The following LRP1B variants were observed in gnomAD, a reference collection of about 807,000 sequenced individuals.
The protein encoded by LRP1B is low-density lipoprotein receptor-related protein 1B.
In LRP1B, 217 loss-of-function variants were observed where a neutral mutation model predicts 556.6. The ratio of observed to expected loss-of-function variants is 0.39; its 90% CI spans 0.35 to 0.44. The LOEUF (loss-of-function observed/expected upper bound fraction) is 0.44. Ranked by LOEUF, LRP1B falls within the 20% of genes least tolerant of loss-of-function variation. The probability of loss-of-function intolerance (pLI) is 1.00; values close to 1 mark genes in which losing one functional copy is unlikely to be tolerated. For missense variants in LRP1B, 5,053 were observed against 5,620.8 expected (o/e 0.90, Z 3.23); for synonymous variants, 2,047 against 1,865.8 (o/e 1.10, Z -2.50).
At chr2:141,207,214 G>C (rs531284064) in intron 6 of LRP1B, among the ~76,000 whole-genome samples, 1 of 152,214 alleles carries the variant, frequency 6.6e-6, no homozygotes, top group Non-Finnish European at 1.5e-5. Flanking sequence ...TAAGTGGTGA[G>C]GTTTCTGTTC....
At chr2:140,366,259 T>C (rs903114764) in intron 71 of LRP1B, among the ~76,000 whole-genome samples, 2 of 151,700 alleles carry the variant, frequency 1.3e-5, no homozygotes, top group African/African-American at 4.8e-5. Flanking sequence ...CCTCAGGACC[T>C]GATGGCTAAA....
intron 1 of LRP1B, among the ~76,000 whole-genome samples, chr2:141,885,406 T>C (rs1362114610): frequency 6.6e-6 from 1 of 152,156 alleles, no homozygotes; most frequent in Non-Finnish European, 1.5e-5. Flanking sequence ...ATACAAAGAA[T>C]GTAAAGACAG....
rs139368880 is a variant in LRP1B at position 142,064,775 on chromosome 2, A to G, written c.82+65873T>C. On this transcript the variant is annotated intron_variant, in intron 1 of 90. Coordinates refer to ENST00000389484, the MANE Select transcript of LRP1B (RefSeq NM_018557.3). The stretch of plus-strand genomic sequence containing the variant: ...TGTATCTATCATTTTTTGTTTTCAG[A>G]TCAAGAATTGACTTCAGATGATAAA... Among the ~76,000 whole-genome samples the G allele has an allele frequency of 1.3e-4, 20 of 151,696 alleles. No homozygotes were observed. The East Asian group carries it at 3.9e-3, about 30-fold the overall frequency.
chr2:142,054,300 A>C (rs185033665), intron 1 of LRP1B, among the ~76,000 whole-genome samples: 114 of 152,258 alleles, frequency 7.5e-4, no homozygotes, highest in African/African-American at 2.7e-3. Context: ...GAGTGGATAG[A>C]GTACAAGATT....
chr2:141,029,379 G>T (rs922098556), intron 11 of LRP1B, among the ~76,000 whole-genome samples: 3 of 152,068 alleles, frequency 2.0e-5, no homozygotes, highest in African/African-American at 7.2e-5. Context: ...TGTGGGCCTT[G>T]AGTGTCCCTG....
intron 2 of LRP1B, among the ~76,000 whole-genome samples, chr2:141,800,030 T>C (rs1695957582): frequency 6.6e-6 from 1 of 152,178 alleles, no homozygotes; most frequent in Admixed American, 6.5e-5. Flanking sequence ...TTCTCTCCAA[T>C]TATTACTACA....
At chr2:141,410,362 C>A (rs778165086) in intron 3 of LRP1B, among the ~76,000 whole-genome samples, 1 of 151,896 alleles carries the variant, frequency 6.6e-6, no homozygotes. Flanking sequence ...AGAAAATATG[C>A]TGATTAAACT....
chr2:140,735,687 T>G (rs1282838422), intron 35 of LRP1B, among the ~76,000 whole-genome samples: 3 of 152,198 alleles, frequency 2.0e-5, no homozygotes, highest in Admixed American at 6.5e-5. Context: ...TCCCTTGTGC[T>G]GGTAGATATT....
At chr2:141,960,587 T>C (rs986626087) in intron 1 of LRP1B, among the ~76,000 whole-genome samples, 1 of 151,890 alleles carries the variant, frequency 6.6e-6, no homozygotes, top group Non-Finnish European at 1.5e-5. Flanking sequence ...TATTTGCATC[T>C]TCTAAAATGC....
intron 1 of LRP1B, among the ~76,000 whole-genome samples, chr2:142,010,613 G>A (rs1235277977): frequency 1.4e-5 from 2 of 145,092 alleles, no homozygotes; most frequent in African/African-American, 2.5e-5. Flanking sequence ...TTCTTTGCAA[G>A]TATAACAGCC....
chr2:140,264,720 GTGTGTGTGTGTGTGTGTGTGTA>G lies in LRP1B; in HGVS notation c.13247+5500_13247+5521del, dbSNP rs1682116754. Among the ~76,000 whole-genome samples, 444 of 78,008 alleles carry G rather than the reference GTGTGTGTGTGTGTGTGTGTGTA, an allele frequency of 5.7e-3. 1 individual carries two copies. The highest frequency in any genetic ancestry group is 0.021 in the African/African-American group (435 of 20,504). 51.2% of individuals were successfully genotyped at this position (78,008 alleles called of 152,430 possible). ...TCTATATATGTGTGTGTGTGTGTGT[GTGTGTGTGTGTGTGTGTGTGTA>G]TATAATTTTCCCACTGAAATTTAAT... is the stretch of plus-strand genomic sequence containing the variant. On this transcript the variant is annotated intron_variant, in intron 86 of 90. Transcript: ENST00000389484.
intron 83 of LRP1B, among the ~76,000 whole-genome samples, chr2:140,303,012 CATATATAT>C (rs59878403): frequency 0.023 from 1,933 of 82,788 alleles, 33 homozygotes; most frequent in South Asian, 0.032. Context: ...AAATCTCCTT[CATATATAT>C]ATATATATAT....
rs551333537 is a variant in LRP1B at position 140,381,797 on chromosome 2, G to A, written c.10532-3511C>T. On this transcript the variant is annotated intron_variant, in intron 67 of 90. Coordinates refer to ENST00000389484, the MANE Select transcript of LRP1B (RefSeq NM_018557.3). ...GAATCACTTGCACCCAAGAGACGGA[G>A]GTTGCAGTGAGTCAAGATTGCGCCA... Among the ~76,000 whole-genome samples the A allele has an allele frequency of 2.7e-5, 4 of 150,034 alleles. No individual in the cohort carries two copies. In the East Asian group the frequency reaches 7.8e-4, roughly 29 times the overall value.
chr2:142,026,472 C>T (rs921675465), intron 1 of LRP1B, among the ~76,000 whole-genome samples: 8 of 152,028 alleles, frequency 5.3e-5, no homozygotes, highest in African/African-American at 9.7e-5. Flanking sequence ...TTTTCCAAAT[C>T]GTCATTTCTT....
At chr2:142,080,695 C>T (rs919652401) in intron 1 of LRP1B, among the ~76,000 whole-genome samples, 5 of 151,974 alleles carry the variant, frequency 3.3e-5, no homozygotes, top group Non-Finnish European at 7.4e-5. Flanking sequence ...AAAAACATGC[C>T]CTGATAATGC....
chr2:141,061,799 T>C (rs1330604639), intron 8 of LRP1B, among the ~76,000 whole-genome samples: 1 of 151,762 alleles, frequency 6.6e-6, no homozygotes, highest in East Asian at 1.9e-4. Flanking sequence ...TTTGTCTTTG[T>C]TGTTTTGTTT....
In LRP1B at chr2:140,850,305, G is replaced by A. The variant is rs1692418930; in HGVS notation, c.4736C>T (p.Ala1579Val). ...CACTCCTCTGATTTCAGAACGTCTT[G>A]CATAAAGAAGAAATTTTTTCATTTC... ...CYEMKKFLLY[A>V]RRSEIRGVDI... is the part of the protein sequence containing the mutation. The change falls in exon 29 of 91, where the codon GCA becomes GTA. Residue 1579 changes from alanine to valine, a missense_variant. Transcript: ENST00000389484. The A allele has an allele frequency of 1.3e-6, 2 of 1,595,758 alleles. No individual in the cohort carries two copies. Among genetic ancestry groups the A allele is most frequent in the Non-Finnish European group, 1.7e-6 (2 of 1,171,334 alleles).
intron 7 of LRP1B, among the ~76,000 whole-genome samples, chr2:141,067,380 T>C (rs1699506739): frequency 6.6e-6 from 1 of 152,044 alleles, no homozygotes; most frequent in South Asian, 2.1e-4. Context: ...TCAAGACAGT[T>C]ATTTATTGAT....
At chr2:141,182,614 G>C (rs1207560141) in intron 7 of LRP1B, among the ~76,000 whole-genome samples, 1 of 151,812 alleles carries the variant, frequency 6.6e-6, no homozygotes, top group East Asian at 1.9e-4. Context: ...AAACTCAGGA[G>C]AATGATTATT....
Sources: gnomAD v4.1 joint callset for allele counts (sites outside exome capture counted in the v4.1 genomes callset) on GRCh38, gnomAD v4.1.1 for gene constraint, MANE v1.5 for transcripts, NCBI Gene and HGNC (gene_info 2026-07-23, HGNC 2026-07-21) for gene names.